RBFOX3: variants seen among roughly 807,000 people sequenced by gnomAD.
RBFOX3 encodes RNA binding fox-1 homolog 3.
In RBFOX3, 17 loss-of-function variants were observed where a neutral mutation model predicts 48.7. That is an observed-to-expected ratio of 0.35 (90% confidence interval 0.24 to 0.52). The LOEUF is 0.52. Ranked by LOEUF, RBFOX3 falls within the 20% of genes least tolerant of loss-of-function variation. RBFOX3 has a pLI of 0.94. For missense variants in RBFOX3, 382 were observed against 497.5 expected, an observed-to-expected ratio of 0.77 and a Z score of 2.21; for synonymous variants, 212 against 209.5, an observed-to-expected ratio of 1.01 and a Z score of -0.10.
chr17:79,607,270 TA>T (rs1214803373), intron 1 of RBFOX3, among the ~76,000 whole-genome samples: 1 of 151,902 alleles, frequency 6.6e-6, no homozygotes, highest in Non-Finnish European at 1.5e-5. Flanking sequence ...TGTTTAAAAA[TA>T]AAAAATTCCT....
chr17:79,483,149 C>T (rs2079007780), intron 1 of RBFOX3, among the ~76,000 whole-genome samples: 1 of 152,086 alleles, frequency 6.6e-6, no homozygotes, highest in Non-Finnish European at 1.5e-5. Flanking sequence ...CTTCAGTGGC[C>T]TGCAAGCCAG....
chr17:79,547,043 C>A (rs1304187103), intron 1 of RBFOX3, among the ~76,000 whole-genome samples: 1 of 152,154 alleles, frequency 6.6e-6, no homozygotes, highest in African/African-American at 2.4e-5. Context: ...TGGGTCTGAG[C>A]CTGACCCTTC....
chr17:79,353,836 G>A (rs2084429300), intron 2 of RBFOX3, among the ~76,000 whole-genome samples: 1 of 152,098 alleles, frequency 6.6e-6, no homozygotes, highest in South Asian at 2.1e-4. Flanking sequence ...TTCCCCAGGC[G>A]AACCTTGCAC....
rs190670970 is a variant in RBFOX3 at position 79,158,501 on chromosome 17, G to A, written c.-33-42753C>T. On this transcript the variant is annotated intron_variant, in intron 4 of 14. Coordinates refer to ENST00000693108, the MANE Select transcript of RBFOX3 (RefSeq NM_001350451.2). ...TACACTTCCCCACGACTCAGAGGCC[G>A]GGGACACTGGGCACCTTGCTTGCAG... 3.3e-5 allele frequency among the ~76,000 whole-genome samples: 5 copies of A among 152,264 alleles called. No homozygotes were observed. The East Asian group carries it at 5.8e-4, about 18-fold the overall frequency.
chr17:79,117,056 C>A (rs1444328656), intron 4 of RBFOX3, among the ~76,000 whole-genome samples: 1 of 152,222 alleles, frequency 6.6e-6, no homozygotes, highest in Non-Finnish European at 1.5e-5. Flanking sequence ...TGCCAGAGAG[C>A]AAGGTGCAGG....
rs1351956091 is a variant in RBFOX3, at chr17:79,199,013, T to C, written c.-34+36753A>G. Among the ~76,000 whole-genome samples the C allele has an allele frequency of 1.3e-5, 2 of 152,226 alleles. No homozygotes were observed. The highest frequency in any genetic ancestry group is 4.8e-5 in the African/African-American group (2 of 41,448). ...TGCAAAGATGCTGAGTTTGTGAGGC[T>C]GAACATTGCCTGTAACTCAGTTGTG... is the stretch of plus-strand genomic sequence containing the variant. On this transcript the variant is annotated intron_variant, in intron 4 of 14. Transcript: ENST00000693108. The surrounding 1 kb of genome is among the most constrained non-coding windows in gnomAD (Gnocchi z 5.1).
chr17:79,611,428 G>A (rs1228173587), upstream of RBFOX3, among the ~76,000 whole-genome samples: 3 of 151,922 alleles, frequency 2.0e-5, no homozygotes, highest in East Asian at 5.9e-4. Flanking sequence ...ACTCCTCGGG[G>A]CAGGGGCACA....
At chr17:79,571,306 G>T (rs1432576176) in intron 1 of RBFOX3, among the ~76,000 whole-genome samples, 1 of 152,074 alleles carries the variant, frequency 6.6e-6, no homozygotes, top group Non-Finnish European at 1.5e-5. Context: ...GCAGATTATG[G>T]TCCTTGCTGT....
chr17:79,645,394 G>A, the RBFOX3 span, among the ~76,000 whole-genome samples: 5 of 151,108 alleles, frequency 3.3e-5, no homozygotes, highest in Admixed American at 1.3e-4. Context: ...CTTTGGCCAC[G>A]GAGACCTTGC....
chr17:79,289,387 C>A (rs572900007), intron 3 of RBFOX3, among the ~76,000 whole-genome samples: 115 of 152,354 alleles, frequency 7.5e-4, no homozygotes, highest in African/African-American at 2.7e-3. Flanking sequence ...GACCAGTGAG[C>A]ACTGGGACCC....
chr17:79,164,089 G>A (rs1459355431), intron 4 of RBFOX3, among the ~76,000 whole-genome samples: 5 of 152,224 alleles, frequency 3.3e-5, no homozygotes, highest in Non-Finnish European at 7.3e-5. Context: ...ACCAGGGTTC[G>A]GAAAAGGGTG....
chr17:79,490,720 T>TAGAGAGAG (rs59694667), intron 1 of RBFOX3, among the ~76,000 whole-genome samples: 7 of 144,352 alleles, frequency 4.8e-5, no homozygotes, highest in South Asian at 2.3e-4. Context: ...GCCTGCAGTG[T>TAGAGAGAG]AGAGAGAGAG....
chr17:79,596,297 T>A (rs2093568143), intron 1 of RBFOX3, among the ~76,000 whole-genome samples: 1 of 152,156 alleles, frequency 6.6e-6, no homozygotes, highest in South Asian at 2.1e-4. Flanking sequence ...AGGGCCCATT[T>A]CCTCTCTGGG....
intron 4 of RBFOX3, among the ~76,000 whole-genome samples, chr17:79,190,646 C>G (rs1188304115): frequency 6.6e-6 from 1 of 152,118 alleles, no homozygotes; most frequent in Non-Finnish European, 1.5e-5. Context: ...TTTTTATCAC[C>G]CTGAGTGCCA....
chr17:79,331,809 C>A (rs1274968464), intron 2 of RBFOX3, among the ~76,000 whole-genome samples: 1 of 152,206 alleles, frequency 6.6e-6, no homozygotes, highest in Non-Finnish European at 1.5e-5. Flanking sequence ...AGTGACACTA[C>A]AGGGGACAGC....
chr17:79,632,191 A>G, the RBFOX3 span, among the ~76,000 whole-genome samples: 1 of 152,252 alleles, frequency 6.6e-6, no homozygotes, highest in Non-Finnish European at 1.5e-5. Context: ...ATTATTTAAT[A>G]TTCTGAACAG....
chr17:79,242,698 G>C lies in RBFOX3; in HGVS notation c.-73-6893C>G, dbSNP rs1023487497. Among the ~76,000 whole-genome samples the C allele has an allele frequency of 6.6e-6, 1 of 152,116 alleles. No individual in the cohort carries two copies. The highest frequency in any genetic ancestry group is 1.5e-5 in the Non-Finnish European group (1 of 68,014). On this transcript the variant is annotated intron_variant, in intron 3 of 14. Transcript: ENST00000693108. This position sits in a 1 kb window ranked among gnomAD's most constrained non-coding sequence, Gnocchi z 5.8. The stretch of plus-strand genomic sequence containing the variant: ...GTTCTGGCCATCACAGTAGTCCCTG[G>C]AGTGGCTTTGGGTTCTGAGCACACT...
chr17:79,268,033 T>A (rs974375840), intron 3 of RBFOX3, among the ~76,000 whole-genome samples: 2 of 152,188 alleles, frequency 1.3e-5, no homozygotes, highest in African/African-American at 4.8e-5. Context: ...CTCTGCAAAT[T>A]TTCCCCTTCT....
At chr17:79,175,403 C>T (rs113120458) in intron 4 of RBFOX3, among the ~76,000 whole-genome samples, 4,719 of 152,364 alleles carry the variant, frequency 0.031, 98 homozygotes, top group Non-Finnish European at 0.046. Context: ...GTCATAACGG[C>T]TTCAGATGGA....
Sources: gnomAD v4.1 joint callset for allele counts (sites outside exome capture counted in the v4.1 genomes callset) on GRCh38, gnomAD v4.1.1 for gene constraint, Gnocchi (gnomAD v3.1) non-coding constraint, MANE v1.5 for transcripts, NCBI Gene and HGNC (gene_info 2026-07-23, HGNC 2026-07-21) for gene names.